The following TBC1D5 variants were observed in gnomAD, a reference collection of about 807,000 sequenced individuals.
TBC1D5 encodes the protein TBC1 domain family, member 5.
TBC1D5 carries 75 observed loss-of-function variants against 100.3 expected under a neutral mutation model. The observed-to-expected ratio is 0.75, with a 90% confidence interval of 0.62 to 0.91. TBC1D5 has a LOEUF of 0.91. TBC1D5 is among the 40% of genes least tolerant of loss of function. TBC1D5 has a pLI of 0.00. For missense variants in TBC1D5, 910 were observed against 942.4 expected, an observed-to-expected ratio of 0.97 and a Z score of 0.45; for synonymous variants, 323 against 325.6, an observed-to-expected ratio of 0.99 and a Z score of 0.09.
intron 15 of TBC1D5, among the ~76,000 whole-genome samples, chr3:17,289,204 G>A (rs1388756297): frequency 6.6e-6 from 1 of 152,150 alleles, no homozygotes; most frequent in Non-Finnish European, 1.5e-5. Context: ...CCCTGCACTC[G>A]CTTGCCCATG....
At chr3:17,233,310 C>T (rs1208183980) in intron 17 of TBC1D5, among the ~76,000 whole-genome samples, 1 of 152,114 alleles carries the variant, frequency 6.6e-6, no homozygotes, top group African/African-American at 2.4e-5. Flanking sequence ...CATAAGATGT[C>T]TATTTTCAGA....
chr3:17,640,879 G>T (rs968512559), intron 1 of TBC1D5, among the ~76,000 whole-genome samples: 2 of 150,926 alleles, frequency 1.3e-5, no homozygotes, highest in East Asian at 3.9e-4. Context: ...TACTATGTGA[G>T]AATCTATTAA....
At chr3:17,631,090 G>C (rs2063474060) in intron 1 of TBC1D5, among the ~76,000 whole-genome samples, 1 of 148,960 alleles carries the variant, frequency 6.7e-6, no homozygotes, top group African/African-American at 2.5e-5. Flanking sequence ...AAAAAGCCAA[G>C]TTGCAAATGC....
intron 1 of TBC1D5, among the ~76,000 whole-genome samples, chr3:17,642,475 G>A (rs943924276): frequency 2.0e-5 from 3 of 152,064 alleles, no homozygotes; most frequent in Non-Finnish European, 2.9e-5. Context: ...GTCAGAACTA[G>A]AATCCAAATA....
chr3:17,624,783 A>G (rs1049782239), intron 1 of TBC1D5, among the ~76,000 whole-genome samples: 1 of 152,116 alleles, frequency 6.6e-6, no homozygotes, highest in African/African-American at 2.4e-5. Context: ...AAAACCACCA[A>G]TGAAAGACCC....
chr3:17,540,974 T>C (rs1236849400), intron 2 of TBC1D5, among the ~76,000 whole-genome samples: 1 of 143,482 alleles, frequency 7.0e-6, no homozygotes, highest in Non-Finnish European at 1.5e-5. Context: ...ACCATATACA[T>C]GAGGTTTTAT....
chr3:17,384,700 G>C (rs1204326543), intron 8 of TBC1D5, among the ~76,000 whole-genome samples: 1 of 151,930 alleles, frequency 6.6e-6, no homozygotes, highest in Non-Finnish European at 1.5e-5. Context: ...AATCAAAACA[G>C]AAAGAAAGAT....
In TBC1D5 at chr3:17,598,659, AAGT is replaced by A. The variant is rs534249075; in HGVS notation, c.-36+25187_-36+25189del. On this transcript the variant is annotated intron_variant, in intron 2 of 21. Transcript: ENST00000253692. ...TTTGTGCTGCAAGAAAACCAATGAA[AAGT>A]AGTCACTGTCCCAAATCATTCTGGA... Among the ~76,000 whole-genome samples, 9 of 152,338 alleles carry A rather than the reference AAGT, an allele frequency of 5.9e-5. No individual in the cohort carries two copies. The East Asian group carries it at 1.7e-3, about 29-fold the overall frequency.
intron 13 of TBC1D5, among the ~76,000 whole-genome samples, chr3:17,359,560 CT>C (rs1474264539): frequency 6.6e-6 from 1 of 152,028 alleles, no homozygotes; most frequent in Admixed American, 6.6e-5. Context: ...AGAAAACTTG[CT>C]TTTACAGGCA....
chr3:17,623,362 CTA>C (rs2153655303), intron 2 of TBC1D5, among the ~76,000 whole-genome samples: 1 of 152,236 alleles, frequency 6.6e-6, no homozygotes, highest in Admixed American at 6.5e-5. Flanking sequence ...TATCCAATGG[CTA>C]TGTCTTTCAA....
intron 1 of TBC1D5, among the ~76,000 whole-genome samples, chr3:17,709,285 T>C (rs2074478863): frequency 6.6e-6 from 1 of 152,196 alleles, no homozygotes; most frequent in Admixed American, 6.5e-5. Flanking sequence ...GCAGACTGGA[T>C]ATTCACAATG....
intron 2 of TBC1D5, among the ~76,000 whole-genome samples, chr3:17,588,243 C>A: frequency 2.8e-5 from 4 of 142,664 alleles, no homozygotes; most frequent in Non-Finnish European, 3.0e-5. Flanking sequence ...ATCAGAGAAA[C>A]CAAGAAAGGA....
At chr3:17,278,962 A>T (rs74923056) in intron 15 of TBC1D5, among the ~76,000 whole-genome samples, 4,695 of 152,324 alleles carry the variant, frequency 0.031, 110 homozygotes, top group Non-Finnish European at 0.046. Flanking sequence ...CACTTAAATT[A>T]TCTTTGTTAA....
At chr3:17,202,500 G>T (rs1222133569) in intron 18 of TBC1D5, among the ~76,000 whole-genome samples, 2 of 152,348 alleles carry the variant, frequency 1.3e-5, no homozygotes, top group African/African-American at 4.8e-5. Context: ...AGTAAAGAGG[G>T]GTGAATGTTA....
intron 3 of TBC1D5, among the ~76,000 whole-genome samples, chr3:17,493,211 T>G (rs913989087): frequency 6.6e-6 from 1 of 152,158 alleles, no homozygotes; most frequent in Non-Finnish European, 1.5e-5. Context: ...TGGCCAGATG[T>G]GAAATTGTGG....
intron 3 of TBC1D5, among the ~76,000 whole-genome samples, chr3:17,441,340 A>T (rs1442231288): frequency 1.3e-5 from 2 of 152,224 alleles, no homozygotes; most frequent in South Asian, 2.1e-4. Context: ...TAATTATAAG[A>T]GCTGTAAATA....
In TBC1D5 at chr3:17,239,167, A is replaced by C. The variant is rs75254983; in HGVS notation, c.1332-748T>G. On this transcript the variant is annotated intron_variant, in intron 16 of 21. Transcript: ENST00000253692. ...ATTTTTGTCTCTTTTGTTAACTACTATATTGCCATTGTCTGGTACATCATA... is the reference window on the plus strand; with the variant it reads ...ATTTTTGTCTCTTTTGTTAACTACTCTATTGCCATTGTCTGGTACATCATA... 4.1e-4 allele frequency among the ~76,000 whole-genome samples: 63 copies of C among 152,286 alleles called. 1 individual carries two copies. The East Asian group carries it at 5.8e-3, about 14-fold the overall frequency.
chr3:17,576,382 A>AT (rs2096657350), intron 2 of TBC1D5: 1 of 152,032 alleles, frequency 6.6e-6, no homozygotes, highest in Non-Finnish European at 1.5e-5. Flanking sequence ...TAATTCAGTT[A>AT]TAACTATAAT....
At position 17,389,610 on chromosome 3, in the gene TBC1D5, A is replaced by T. The variant is rs78792614; in HGVS notation, c.510-5595T>A. On this transcript the variant is annotated intron_variant, in intron 8 of 21. Transcript: ENST00000253692. ...GCCAGCTTCAATAACCAGACAGGTG[A>T]ATGAGCAAACCTTCAGATGATTCCA... is the stretch of plus-strand genomic sequence containing the variant. 9.2e-3 allele frequency among the ~76,000 whole-genome samples: 1,406 copies of T among 152,214 alleles called. 85 individuals are homozygous for T. Among genetic ancestry groups the T allele is most frequent in the Admixed American group, 0.072 (1,100 of 15,278 alleles).
Sources: allele counts gnomAD v4.1 joint callset (sites outside exome capture counted in the v4.1 genomes callset), GRCh38; gene constraint gnomAD v4.1.1; transcripts MANE v1.5; gene names NCBI Gene and HGNC (gene_info 2026-07-23, HGNC 2026-07-21).